The following ASTN2 variants were observed in gnomAD, a reference collection of about 807,000 sequenced individuals.
The protein encoded by ASTN2 is astrotactin 2, also known as astrotactin-2.
A neutral mutation model predicts 139.8 loss-of-function variants in ASTN2; 54 were observed. The observed-to-expected ratio is 0.39, with a 90% CI of 0.31 to 0.48. The LOEUF (loss-of-function observed/expected upper bound fraction) is 0.48, where lower values mean the gene tolerates loss of function less well. Ranked by LOEUF, ASTN2 falls within the 20% of genes least tolerant of loss-of-function variation. The pLI, the probability that ASTN2 is intolerant of heterozygous loss-of-function variation, is 0.95. For missense variants in ASTN2, 1,565 were observed against 1,725.1 expected (o/e 0.91, Z 1.64); for synonymous variants, 756 against 719.5 (o/e 1.05, Z -0.81).
At chr9:117,261,399 T>C (rs1284774271) in intron 2 of ASTN2, among the ~76,000 whole-genome samples, 1 of 152,196 alleles carries the variant, frequency 6.6e-6, no homozygotes, top group Non-Finnish European at 1.5e-5. Context: ...ATCTGTTCAA[T>C]CTGACCTGGA....
At position 116,699,563 on chromosome 9, in the gene ASTN2, C is replaced by T. The variant is rs1861069071; in HGVS notation, c.2806+26208G>A. 3.7e-6 allele frequency: 6 copies of T among 1,614,062 alleles called. No homozygotes were observed. The highest frequency in any genetic ancestry group is 5.1e-6 in the Non-Finnish European group (6 of 1,180,042). On this transcript the variant is annotated intron_variant, in intron 16 of 22. Transcript: ENST00000313400. This position sits in a 1 kb window ranked among gnomAD's most constrained non-coding sequence, Gnocchi z 4.2. ...TTCTCCATTTTCCTAAGGGTGGGGG[C>T]TATAGTGTCCTTATTCGAGAGGGAC...
intron 7 of ASTN2, among the ~76,000 whole-genome samples, chr9:116,990,540 GGATAAC>G (rs1175648503): frequency 6.6e-6 from 1 of 152,134 alleles, no homozygotes; most frequent in East Asian, 1.9e-4. Flanking sequence ...CAAAGTGTTT[GGATAAC>G]GTGCATAAGC....
chr9:117,173,954 T>C (rs1830854564), intron 3 of ASTN2, among the ~76,000 whole-genome samples: 2 of 143,082 alleles, frequency 1.4e-5, no homozygotes, highest in Admixed American at 7.4e-5. Flanking sequence ...TTACTCTTAC[T>C]AAAAAACAGA....
intron 1 of ASTN2, among the ~76,000 whole-genome samples, chr9:117,296,300 A>AAG (rs1554716837): frequency 9.2e-4 from 111 of 120,870 alleles, no homozygotes; most frequent in African/African-American, 2.1e-3. Context: ...AAAAAAAAAA[A>AAG]AAAGAAAGAA....
chr9:116,827,478 C>T (rs936971485), intron 11 of ASTN2, among the ~76,000 whole-genome samples: 1 of 151,736 alleles, frequency 6.6e-6, no homozygotes, highest in South Asian at 2.1e-4. Context: ...AAATGCTAAA[C>T]AAAATTAGTA....
chr9:116,557,374 TG>T (rs1310705259), intron 19 of ASTN2, among the ~76,000 whole-genome samples: 4 of 152,174 alleles, frequency 2.6e-5, no homozygotes. Flanking sequence ...GTCTCTTTTT[TG>T]TAAAATGGGA....
At chr9:116,677,376 A>G (rs946010381) in intron 16 of ASTN2, among the ~76,000 whole-genome samples, 23 of 152,188 alleles carry the variant, frequency 1.5e-4, no homozygotes, top group African/African-American at 5.6e-4. Context: ...ATCCCTCTCA[A>G]AATCAAACAC....
chr9:116,854,452 G>A (rs138048248), intron 11 of ASTN2, among the ~76,000 whole-genome samples: 7 of 152,268 alleles, frequency 4.6e-5, no homozygotes, highest in Admixed American at 6.5e-5. Context: ...GCTAGTGAAT[G>A]ACAAGGTAAG....
intron 10 of ASTN2, among the ~76,000 whole-genome samples, chr9:116,947,678 T>C (rs988312320): frequency 1.1e-4 from 17 of 152,320 alleles, no homozygotes; most frequent in South Asian, 6.2e-4. Flanking sequence ...AAGGAATATT[T>C]TTCCATGAAC....
intron 2 of ASTN2, among the ~76,000 whole-genome samples, chr9:117,288,729 A>G (rs4837099): frequency 0.1 from 15,402 of 152,266 alleles, 1,022 homozygotes; most frequent in South Asian, 0.16. Flanking sequence ...TGACAAGGGT[A>G]GAGTCTGAGC....
intron 19 of ASTN2, among the ~76,000 whole-genome samples, chr9:116,514,744 A>G (rs1302128368): frequency 6.6e-6 from 1 of 152,110 alleles, no homozygotes; most frequent in Non-Finnish European, 1.5e-5. Context: ...TCGATCTCAG[A>G]CTGCTGTGCA....
intron 3 of ASTN2, among the ~76,000 whole-genome samples, chr9:117,174,153 AGAT>A (rs1830861803): frequency 6.6e-6 from 1 of 151,806 alleles, no homozygotes; most frequent in African/African-American, 2.4e-5. Flanking sequence ...ATAGATAGAT[AGAT>A]AGATAGATAG....
At chr9:116,638,807 T>A (rs1857193996) in intron 17 of ASTN2, among the ~76,000 whole-genome samples, 1 of 150,596 alleles carries the variant, frequency 6.6e-6, no homozygotes, top group African/African-American at 2.4e-5. Context: ...AACAAACAAG[T>A]ACCAAAGATA....
intron 1 of ASTN2, among the ~76,000 whole-genome samples, chr9:117,405,628 A>T (rs1185270083): frequency 6.6e-6 from 1 of 152,170 alleles, no homozygotes; most frequent in Non-Finnish European, 1.5e-5. Context: ...GGGATCTGGC[A>T]TCTGCTTTAC....
intron 9 of ASTN2, among the ~76,000 whole-genome samples, chr9:116,975,861 T>A (rs1836328295): frequency 6.6e-6 from 1 of 152,230 alleles, no homozygotes; most frequent in South Asian, 2.1e-4. Flanking sequence ...TTTAAACCAC[T>A]GGACTTAATA....
intron 1 of ASTN2, among the ~76,000 whole-genome samples, chr9:117,370,256 C>A (rs1167668215): frequency 2.0e-5 from 3 of 152,012 alleles, no homozygotes; most frequent in Non-Finnish European, 4.4e-5. Context: ...ATTCCCAGGA[C>A]AAAAGAAGAA....
chr9:117,047,604 C>G lies in ASTN2; in HGVS notation c.1277-7639G>C, dbSNP rs150307547. The stretch of plus-strand genomic sequence containing the variant: ...TTTAATGTCTAAACAGCCTTTGAAT[C>G]TCACTCTATGAGTGAACTTCTGCTG... On this transcript the variant is annotated intron_variant, in intron 5 of 22. Coordinates refer to ENST00000313400, the MANE Select transcript of ASTN2 (RefSeq NM_001365068.1). Among the ~76,000 whole-genome samples the G allele has an allele frequency of 4.9e-3, 753 of 152,292 alleles. 8 individuals are homozygous for G. The highest frequency in any genetic ancestry group is 0.017 in the African/African-American group (714 of 41,564).
chr9:117,210,640 A>C (rs1186246980), intron 3 of ASTN2, among the ~76,000 whole-genome samples: 2 of 152,296 alleles, frequency 1.3e-5, no homozygotes, highest in African/African-American at 4.8e-5. Context: ...AAGAAGAATT[A>C]ATAACAATTC....
At chr9:116,805,948 C>T in intron 12 of ASTN2, 128 bp from the exon 13 acceptor site, 1 of 873,904 alleles carries the variant, frequency 1.1e-6, no homozygotes, top group Non-Finnish European at 1.8e-6. Flanking sequence ...GCTATTCTAC[C>T]TGGAATCTAT....
Sources: allele counts gnomAD v4.1 joint callset (sites outside exome capture counted in the v4.1 genomes callset), GRCh38; gene constraint gnomAD v4.1.1; non-coding constraint Gnocchi (gnomAD v3.1); transcripts MANE v1.5; gene names NCBI Gene and HGNC (gene_info 2026-07-23, HGNC 2026-07-21).